Variants in SCOC observed in about 807,000 individuals in gnomAD.
SCOC encodes the protein short coiled-coil protein.
Under a neutral mutation model 9.9 loss-of-function variants are expected in SCOC, and 7 were observed. The ratio of observed to expected loss-of-function variants is 0.71; its 90% CI spans 0.40 to 1.33. SCOC has a LOEUF of 1.33. Among genes scored for constraint, SCOC ranks in the 40% most tolerant of loss-of-function variants. The probability of loss-of-function intolerance (pLI) is 0.01; values close to 1 mark genes in which losing one functional copy is unlikely to be tolerated. For synonymous variants in SCOC, 19 were observed against 28.2 expected (o/e 0.67, Z 1.03); for missense variants, 66 against 89.7 (o/e 0.74, Z 1.07).
At chr4:140,270,998 T>G (rs1578757643) in intron 1 of SCOC, among the ~76,000 whole-genome samples, 1 of 152,206 alleles carries the variant, frequency 6.6e-6, no homozygotes, top group Non-Finnish European at 1.5e-5. Flanking sequence ...TGTGCTATTC[T>G]GTTCTTCATC....
chr4:140,273,538 G>A (rs941234823), intron 1 of SCOC, among the ~76,000 whole-genome samples: 1 of 151,684 alleles, frequency 6.6e-6, no homozygotes, highest in African/African-American at 2.4e-5. Context: ...AAAGCAGCTG[G>A]TCTCTGAAAG....
intron 2 of SCOC, among the ~76,000 whole-genome samples, chr4:140,353,731 C>T (rs1727084341): frequency 6.6e-6 from 1 of 152,166 alleles, no homozygotes; most frequent in Non-Finnish European, 1.5e-5. Context: ...ATTGGGAACA[C>T]AAAAGACTCA....
At chr4:140,363,447 T>A (rs1299358205) in intron 2 of SCOC, among the ~76,000 whole-genome samples, 2 of 152,236 alleles carry the variant, frequency 1.3e-5, no homozygotes, top group Non-Finnish European at 2.9e-5. Flanking sequence ...ATTAGGTATG[T>A]CACAAATGCA....
upstream of SCOC, chr4:140,373,521 G>A: frequency 1.3e-6 from 2 of 1,551,728 alleles, no homozygotes; most frequent in African/African-American, 1.4e-5. Flanking sequence ...GACGACTGGG[G>A]TGAGGCGGGC....
intron 2 of SCOC, among the ~76,000 whole-genome samples, chr4:140,368,109 A>G (rs1387099349): frequency 6.6e-6 from 1 of 152,244 alleles, no homozygotes; most frequent in Non-Finnish European, 1.5e-5. Context: ...AGCTCACGAT[A>G]TAGTCACAAA....
chr4:140,360,594 G>GA (rs1727423077), intron 2 of SCOC: 1 of 152,194 alleles, frequency 6.6e-6, no homozygotes, highest in East Asian at 1.9e-4. Context: ...GCTCTGAGGC[G>GA]AAAAGGCAAT....
chr4:140,330,325 C>CGGCT (rs1732780314), intron 1 of SCOC, among the ~76,000 whole-genome samples: 1 of 152,094 alleles, frequency 6.6e-6, no homozygotes, highest in Admixed American at 6.6e-5. Context: ...ACAGTGTACA[C>CGGCT]GGCTGGGGTG....
At chr4:140,293,326 A>T in intron 1 of SCOC, 1 of 456,794 alleles carries the variant, frequency 2.2e-6, no homozygotes, top group Non-Finnish European at 4.4e-6. Context: ...GCTTATCTTT[A>T]CTGCCTGTTT....
At chr4:140,356,251 C>A (rs1731830473) in intron 2 of SCOC, among the ~76,000 whole-genome samples, 1 of 152,152 alleles carries the variant, frequency 6.6e-6, no homozygotes, top group African/African-American at 2.4e-5. Flanking sequence ...AAAGAAGATT[C>A]TGTTTTGTTC....
At chr4:140,276,546 G>A (rs1297894009) in intron 1 of SCOC, among the ~76,000 whole-genome samples, 4 of 151,882 alleles carry the variant, frequency 2.6e-5, no homozygotes, top group East Asian at 1.9e-4. Context: ...TCACTGCCTC[G>A]GGGGTTCAAG....
At chr4:140,323,466 G>A (rs1732558935) in intron 1 of SCOC, among the ~76,000 whole-genome samples, 1 of 152,082 alleles carries the variant, frequency 6.6e-6, no homozygotes, top group East Asian at 1.9e-4. Flanking sequence ...CTTAGATAAA[G>A]TCATAAATTT....
At chr4:140,324,940 C>T (rs1040959264) in intron 1 of SCOC, among the ~76,000 whole-genome samples, 1 of 151,762 alleles carries the variant, frequency 6.6e-6, no homozygotes, top group African/African-American at 2.4e-5. Flanking sequence ...TTATTCAAAA[C>T]CTATACTAAT....
Position 140,289,393 on chromosome 4 carries a change from T to C in SCOC, c.-19+31983T>C, listed in dbSNP as rs566537891. Among the ~76,000 whole-genome samples, 8 of 152,302 alleles carry C rather than the reference T, an allele frequency of 5.3e-5. No individual in the cohort carries two copies. The South Asian group carries it at 1.7e-3, about 32-fold the overall frequency. Reference sequence around the variant, plus strand: ...TTCAAGGCTGGCTGCTTTTGGATGGTGTGACAGGTGATAGAGTGAGTGTGT... The same window carrying C: ...TTCAAGGCTGGCTGCTTTTGGATGGCGTGACAGGTGATAGAGTGAGTGTGT... On this transcript the variant is annotated intron_variant, in intron 1 of 4. Transcript: ENST00000394205.
At chr4:140,313,457 G>T (rs562141687) in intron 1 of SCOC, among the ~76,000 whole-genome samples, 6 of 152,230 alleles carry the variant, frequency 3.9e-5, no homozygotes, top group Non-Finnish European at 8.8e-5. Context: ...TCATCACATT[G>T]GTCAGGCTGG....
upstream of SCOC, among the ~76,000 whole-genome samples, chr4:140,368,723 G>C (rs1727914150): frequency 6.6e-6 from 1 of 152,158 alleles, no homozygotes; most frequent in South Asian, 2.1e-4. Flanking sequence ...AAAAGGCGCA[G>C]GTAGGGGAAT....
chr4:140,291,581 A>G, intron 1 of SCOC: 1 of 451,032 alleles, frequency 2.2e-6, no homozygotes, highest in South Asian at 1.6e-5. Flanking sequence ...AACAAAAAAG[A>G]ATTATAATCA....
chr4:140,325,612 A>T (rs1233159339), intron 1 of SCOC, among the ~76,000 whole-genome samples: 6 of 152,170 alleles, frequency 3.9e-5, no homozygotes, highest in Non-Finnish European at 8.8e-5. Flanking sequence ...TATCAGAAAA[A>T]TGTAAATGAA....
intron 1 of SCOC, among the ~76,000 whole-genome samples, chr4:140,295,247 G>A (rs182923506): frequency 6.6e-6 from 1 of 152,250 alleles, no homozygotes; most frequent in Non-Finnish European, 1.5e-5. Context: ...GTGGGAGTTT[G>A]TAGGAGCTTA....
intron 1 of SCOC, among the ~76,000 whole-genome samples, chr4:140,258,557 C>A (rs1288652705): frequency 6.6e-6 from 1 of 152,308 alleles, no homozygotes; most frequent in South Asian, 2.1e-4. Context: ...GAATGCCATG[C>A]CAATCTCTCT....
Sources: gnomAD v4.1 joint callset for allele counts (sites outside exome capture counted in the v4.1 genomes callset) on GRCh38, gnomAD v4.1.1 for gene constraint, MANE v1.5 for transcripts, NCBI Gene and HGNC (gene_info 2026-07-23, HGNC 2026-07-21) for gene names.